The following MTMR7 variants were observed in gnomAD, a reference collection of about 807,000 sequenced individuals.
The protein encoded by MTMR7 is phosphatidylinositol-3-phosphate phosphatase MTMR7.
Under a neutral mutation model 81.2 loss-of-function variants are expected in MTMR7, and 76 were observed. The ratio of observed to expected loss-of-function variants is 0.94; its 90% CI spans 0.78 to 1.13. The LOEUF (loss-of-function observed/expected upper bound fraction) is 1.13, where lower values mean the gene tolerates loss of function less well. MTMR7 is among the 50% of genes most tolerant of loss of function. MTMR7 has a pLI of 0.00. For missense variants in MTMR7, 1,044 were observed against 820.0 expected (o/e 1.27, Z -3.34); for synonymous variants, 372 against 289.8 (o/e 1.28, Z -2.88).
intron 1 of MTMR7, among the ~76,000 whole-genome samples, chr8:17,382,362 CTCT>C (rs926423428): frequency 7.9e-5 from 12 of 152,286 alleles, no homozygotes; most frequent in African/African-American, 2.4e-4. Flanking sequence ...CCATCTCGAG[CTCT>C]TCTTCTTTTT....
intron 3 of MTMR7, among the ~76,000 whole-genome samples, chr8:17,365,910 T>C (rs1820210957): frequency 6.6e-6 from 1 of 152,308 alleles, no homozygotes; most frequent in East Asian, 1.9e-4. Flanking sequence ...CAAATCAGTG[T>C]TTCAGTTGAA....
intron 1 of MTMR7, among the ~76,000 whole-genome samples, chr8:17,406,915 A>G (rs527844611): frequency 3.3e-4 from 50 of 152,284 alleles, no homozygotes; most frequent in Non-Finnish European, 6.2e-4. Context: ...ACAAACATAT[A>G]TAGAGACAGA....
chr8:17,331,090 C>T (rs568866036), intron 7 of MTMR7, 60 bp downstream of exon 7: 63 of 1,554,628 alleles, frequency 4.1e-5, no homozygotes, highest in Admixed American at 1.0e-4. Context: ...CTATCTTATT[C>T]CCTTTTGGCA....
At chr8:17,364,069 G>T (rs1468563424) in intron 3 of MTMR7, among the ~76,000 whole-genome samples, 1 of 116,944 alleles carries the variant, frequency 8.6e-6, no homozygotes, top group African/African-American at 3.3e-5. Flanking sequence ...TCGCTCTGTC[G>T]CCCAGGCTGG....
Position 17,297,900 on chromosome 8 carries a change from A to AAGTT in MTMR7, c.*1958_*1961dup, listed in dbSNP as rs1389610469. The AAGTT allele has an allele frequency of 6.6e-6, 1 of 152,076 alleles. No individual in the cohort carries two copies. Among genetic ancestry groups the AAGTT allele is most frequent in the Non-Finnish European group, 1.5e-5 (1 of 67,908 alleles). 9.4% of individuals were successfully genotyped at this position (152,076 alleles called of 1,614,324 possible). A position where few individuals can be genotyped will look rare whatever the true frequency, so the allele number is the denominator to read the frequency against. ...AAATTATAATGTCTGTCTTGTAAAA[A>AAGTT]AGTTGAGGGGACTAAAAGTTTATGA... On this transcript the variant is annotated 3_prime_UTR_variant, in exon 14 of 14. Transcript: ENST00000180173.
chr8:17,375,329 A>T (rs1395888171), intron 1 of MTMR7, among the ~76,000 whole-genome samples: 1 of 152,110 alleles, frequency 6.6e-6, no homozygotes, highest in Non-Finnish European at 1.5e-5. Flanking sequence ...GTTTTCAGAG[A>T]TCTACTGAGG....
At chr8:17,341,583 C>G (rs1194329762) in intron 5 of MTMR7, 86 bp from the exon 6 acceptor site, 3 of 1,487,964 alleles carry the variant, frequency 2.0e-6, no homozygotes, top group Non-Finnish European at 2.7e-6. Context: ...GAACAAAGAG[C>G]CCTTGGCTCA....
At chr8:17,341,237 T>C (rs1819398159) in intron 6 of MTMR7, 126 bp downstream of exon 6, 2 of 1,279,332 alleles carry the variant, frequency 1.6e-6, no homozygotes, top group African/African-American at 1.5e-5. Context: ...ACACTGACTA[T>C]GCCAAGAGGA....
rs1481616027 is a variant in MTMR7, at chr8:17,298,400, A to G, written c.*1462T>C. 2 of 152,134 alleles carry G rather than the reference A, an allele frequency of 1.3e-5. No individual in the cohort carries two copies. 9.4% of individuals were successfully genotyped at this position (152,134 alleles called of 1,614,324 possible). A position where few individuals can be genotyped will look rare whatever the true frequency, so the allele number is the denominator to read the frequency against. The stretch of plus-strand genomic sequence containing the variant: ...AAATCACAGTTCTCTAATATATTCT[A>G]TATTTTTAAATATGATGAACACAAT... On this transcript the variant is annotated 3_prime_UTR_variant, in exon 14 of 14. Coordinates refer to ENST00000180173, the MANE Select transcript of MTMR7 (RefSeq NM_004686.5).
At chr8:17,403,539 G>T (rs749966313) in intron 1 of MTMR7, among the ~76,000 whole-genome samples, 2 of 152,126 alleles carry the variant, frequency 1.3e-5, no homozygotes, top group African/African-American at 4.8e-5. Flanking sequence ...TTTTTGCACA[G>T]AATACATTTG....
intron 2 of MTMR7, among the ~76,000 whole-genome samples, chr8:17,371,767 G>T (rs1820427225): frequency 6.6e-6 from 1 of 151,232 alleles, no homozygotes; most frequent in Admixed American, 6.6e-5. Flanking sequence ...ACACATTTAT[G>T]GGCTACAGTG....
chr8:17,365,235 G>A (rs893976750), intron 3 of MTMR7, among the ~76,000 whole-genome samples: 1 of 152,062 alleles, frequency 6.6e-6, no homozygotes, highest in Non-Finnish European at 1.5e-5. Flanking sequence ...GTCTCTTGAG[G>A]TCCCTTGTCC....
chr8:17,335,458 G>A (rs1030634773), intron 6 of MTMR7, among the ~76,000 whole-genome samples: 7 of 152,184 alleles, frequency 4.6e-5, no homozygotes, highest in African/African-American at 1.7e-4. Context: ...TTGGTATCAG[G>A]TTAAAGGTCA....
At chr8:17,399,686 AG>A (rs1033207882) in intron 1 of MTMR7, among the ~76,000 whole-genome samples, 1 of 152,166 alleles carries the variant, frequency 6.6e-6, no homozygotes, top group African/African-American at 2.4e-5. Context: ...CTGTGCAAAA[AG>A]AACAAAACTG....
intron 9 of MTMR7, among the ~76,000 whole-genome samples, chr8:17,309,722 C>G (rs1010656965): frequency 1.3e-5 from 2 of 152,202 alleles, no homozygotes; most frequent in Non-Finnish European, 2.9e-5. Context: ...GACCCCACTT[C>G]ACAGCCCAGG....
At chr8:17,318,299 T>C (rs1028059814) in intron 7 of MTMR7, among the ~76,000 whole-genome samples, 2 of 152,002 alleles carry the variant, frequency 1.3e-5, no homozygotes, top group Admixed American at 6.6e-5. Flanking sequence ...AAATGCTGCT[T>C]AGGAGCAGCG....
chr8:17,311,561 C>T lies in MTMR7; in HGVS notation c.1051G>A (p.Val351Met). ...GWDRTAQVCS[V>M]ASLLLDPHYR... is the part of the protein sequence containing the mutation. ...TGAGGGTCCAGCAGCAGGCTTGCCA[C>T]CGAGCACACCTGAGCGGTCCTGTCC... is the stretch of plus-strand genomic sequence containing the variant. The change falls in exon 9 of 14, where the codon GTG becomes ATG. Residue 351 changes from valine to methionine, a missense_variant. Val to Met is a conservative substitution (Grantham distance 21). Transcript: ENST00000180173. The T allele has an allele frequency of 6.2e-7, 1 of 1,614,118 alleles. No homozygotes were observed. Among genetic ancestry groups the T allele is most frequent in the Non-Finnish European group, 8.5e-7 (1 of 1,180,002 alleles).
chr8:17,307,343 C>T (rs937621074), intron 10 of MTMR7, among the ~76,000 whole-genome samples: 2 of 152,214 alleles, frequency 1.3e-5, no homozygotes, highest in African/African-American at 4.8e-5. Context: ...GATACACCAT[C>T]TCACACCAGT....
intron 1 of MTMR7, among the ~76,000 whole-genome samples, chr8:17,404,907 C>A (rs1821534005): frequency 6.6e-6 from 1 of 152,198 alleles, no homozygotes; most frequent in African/African-American, 2.4e-5. Context: ...CTCACTGCAA[C>A]CTCTGCCTCC....
Sources: allele counts gnomAD v4.1 joint callset (sites outside exome capture counted in the v4.1 genomes callset), GRCh38; gene constraint gnomAD v4.1.1; transcripts MANE v1.5; gene names NCBI Gene and HGNC (gene_info 2026-07-23, HGNC 2026-07-21).